The following GPHN variants were observed in gnomAD, a reference collection of about 807,000 sequenced individuals.
GPHN encodes gephyrin.
GPHN carries 17 observed loss-of-function variants against 95.5 expected under a neutral mutation model. That is an observed-to-expected ratio of 0.18 (90% confidence interval 0.12 to 0.27). The LOEUF (loss-of-function observed/expected upper bound fraction) is 0.27, where lower values mean the gene tolerates loss of function less well. Ranked by LOEUF, GPHN falls within the 10% of genes least tolerant of loss-of-function variation. The pLI, the probability that GPHN is intolerant of heterozygous loss-of-function variation, is 1.00. For missense variants in GPHN, 660 were observed against 978.1 expected (o/e 0.67, Z 4.34); for synonymous variants, 320 against 322.5 (o/e 0.99, Z 0.08).
the GPHN span, among the ~76,000 whole-genome samples, chr14:67,697,587 C>G: frequency 6.6e-6 from 1 of 152,128 alleles, no homozygotes; most frequent in Non-Finnish European, 1.5e-5. Context: ...GAGGTAGGTA[C>G]TATAATTTTC....
At chr14:67,606,979 C>G in the GPHN span, among the ~76,000 whole-genome samples, 1 of 152,112 alleles carries the variant, frequency 6.6e-6, no homozygotes, top group Non-Finnish European at 1.5e-5. Context: ...CTGATATATT[C>G]AAAATGTGAG....
intron 2 of GPHN, among the ~76,000 whole-genome samples, chr14:66,763,207 T>C (rs1202819956): frequency 8.9e-6 from 1 of 112,460 alleles, no homozygotes; most frequent in Non-Finnish European, 1.6e-5. Context: ...ATATTACAAC[T>C]ATTTTTTTTT....
chr14:67,278,439 T>G, the GPHN span, among the ~76,000 whole-genome samples: 1 of 152,142 alleles, frequency 6.6e-6, no homozygotes, highest in East Asian at 1.9e-4. Context: ...CAGCTGCTAA[T>G]TGAAGTTTCT....
the GPHN span, among the ~76,000 whole-genome samples, chr14:67,491,559 TAGG>T: frequency 6.6e-6 from 1 of 152,294 alleles, no homozygotes; most frequent in East Asian, 1.9e-4. Context: ...TCAAGGGTTT[TAGG>T]AGCTCTATGA....
In GPHN at chr14:66,681,693, C is replaced by T. The variant is rs192189846; in HGVS notation, c.143+508C>T. On this transcript the variant is annotated intron_variant, in intron 2 of 22. Coordinates refer to ENST00000478722, the MANE Select transcript of GPHN (RefSeq NM_020806.5). ...TTCAGTTTTTAATTTTTTTGCTCAT[C>T]AGTCAGTCCCATTCTTTATTGGCAT... Among the ~76,000 whole-genome samples, 37 of 152,142 alleles carry T rather than the reference C, an allele frequency of 2.4e-4. 1 individual carries two copies. Among genetic ancestry groups the T allele is most frequent in the East Asian group, 1.5e-3 (8 of 5,186 alleles).
chr14:67,488,488 C>A, the GPHN span: 1 of 152,658 alleles, frequency 6.6e-6, no homozygotes. Flanking sequence ...CTCCAACCCT[C>A]CCTGATCTGT....
downstream of GPHN, among the ~76,000 whole-genome samples, chr14:67,185,264 G>A (rs577410900): frequency 6.6e-6 from 1 of 152,278 alleles, no homozygotes; most frequent in East Asian, 1.9e-4. Flanking sequence ...TATCCTAAAA[G>A]GAGAAAGAAG....
the GPHN span, among the ~76,000 whole-genome samples, chr14:67,612,213 C>G: frequency 1.3e-5 from 2 of 152,168 alleles, no homozygotes; most frequent in Non-Finnish European, 2.9e-5. Context: ...CAGGCCAGTA[C>G]CAGTGAATGG....
chr14:66,961,805 C>T (rs1223461576), intron 8 of GPHN, among the ~76,000 whole-genome samples: 1 of 149,060 alleles, frequency 6.7e-6, no homozygotes, highest in Non-Finnish European at 1.5e-5. Flanking sequence ...TGTTACTATT[C>T]TTTGTGGACA....
At chr14:66,558,756 C>CT (rs1201287320) in intron 1 of GPHN, among the ~76,000 whole-genome samples, 4 of 151,426 alleles carry the variant, frequency 2.6e-5, no homozygotes, top group Non-Finnish European at 4.4e-5. Context: ...TATTATTATA[C>CT]TTTAAGTTTT....
chr14:67,717,434 G>A, the GPHN span, among the ~76,000 whole-genome samples: 1 of 152,248 alleles, frequency 6.6e-6, no homozygotes, highest in Non-Finnish European at 1.5e-5. Flanking sequence ...TAGGCCCTGA[G>A]AGGATATTAA....
the GPHN span, among the ~76,000 whole-genome samples, chr14:67,494,656 C>A: frequency 6.8e-3 from 1,035 of 152,328 alleles, 12 homozygotes; most frequent in African/African-American, 0.024. Context: ...GCAGGTACAT[C>A]CCACCCTCCT....
chr14:66,705,637 A>G (rs2069007093), intron 2 of GPHN, among the ~76,000 whole-genome samples: 1 of 152,190 alleles, frequency 6.6e-6, no homozygotes, highest in South Asian at 2.1e-4. Context: ...AAAAACTCTA[A>G]ATAAACTATG....
rs145664384 is a variant in GPHN at position 66,622,987 on chromosome 14, T to C, written c.65-58120T>C. Among the ~76,000 whole-genome samples the C allele has an allele frequency of 3.6e-3, 546 of 152,264 alleles. 3 individuals are homozygous for C. The highest frequency in any genetic ancestry group is 5.8e-3 in the Non-Finnish European group (394 of 68,000). ...TTTCAGCAGCACCCCATTCTACTGGTACCAATTTACTGTATTAATCCATTT... is the reference window on the plus strand; with the variant it reads ...TTTCAGCAGCACCCCATTCTACTGGCACCAATTTACTGTATTAATCCATTT... On this transcript the variant is annotated intron_variant, in intron 1 of 22. Coordinates refer to ENST00000478722, the MANE Select transcript of GPHN (RefSeq NM_020806.5).
At chr14:67,544,388 CCT>C in the GPHN span, among the ~76,000 whole-genome samples, 2 of 152,152 alleles carry the variant, frequency 1.3e-5, no homozygotes, top group Non-Finnish European at 2.9e-5. Context: ...AGAAACAAAA[CCT>C]CTCTGGAGAC....
At chr14:67,438,826 A>G in the GPHN span, among the ~76,000 whole-genome samples, 1 of 144,992 alleles carries the variant, frequency 6.9e-6, no homozygotes, top group Non-Finnish European at 1.5e-5. Context: ...GTGCCACTGC[A>G]CTCTAGCCTA....
chr14:66,591,534 C>A (rs894518854), intron 1 of GPHN, among the ~76,000 whole-genome samples: 2 of 152,158 alleles, frequency 1.3e-5, no homozygotes, highest in Admixed American at 1.3e-4. Context: ...AGAGTGAAAT[C>A]TTGAGTGAAC....
chr14:67,568,119 G>A, the GPHN span, among the ~76,000 whole-genome samples: 1 of 152,078 alleles, frequency 6.6e-6, no homozygotes, highest in Non-Finnish European at 1.5e-5. Flanking sequence ...ATTCCTGCAG[G>A]GGAAAAAACG....
At chr14:67,112,148 G>A (rs2078413898) in intron 15 of GPHN, among the ~76,000 whole-genome samples, 1 of 152,224 alleles carries the variant, frequency 6.6e-6, no homozygotes, top group Non-Finnish European at 1.5e-5. Flanking sequence ...TGAGAAAGAG[G>A]TAAAGTCATG....
Sources: gnomAD v4.1 joint callset for allele counts (sites outside exome capture counted in the v4.1 genomes callset) on GRCh38, gnomAD v4.1.1 for gene constraint, MANE v1.5 for transcripts, NCBI Gene and HGNC (gene_info 2026-07-23, HGNC 2026-07-21) for gene names.